PCMT1: variants seen among roughly 807,000 people sequenced by gnomAD.
PCMT1 encodes the protein protein-L-isoaspartate (D-aspartate) O-methyltransferase.
PCMT1 carries 9 observed loss-of-function variants against 29.2 expected under a neutral mutation model. The observed-to-expected ratio is 0.31, with a 90% CI of 0.19 to 0.54. The LOEUF is 0.54. Among genes scored for constraint, PCMT1 ranks in the 20% least tolerant of loss-of-function variants. The pLI, the probability that PCMT1 is intolerant of heterozygous loss-of-function variation, is 0.95. For synonymous variants in PCMT1, 98 were observed against 97.5 expected, an observed-to-expected ratio of 1.00 and a Z score of -0.03; for missense variants, 184 against 282.2, an observed-to-expected ratio of 0.65 and a Z score of 2.49.
At chr6:149,774,320 A>G (rs1583024232) in intron 3 of PCMT1, among the ~76,000 whole-genome samples, 1 of 150,656 alleles carries the variant, frequency 6.6e-6, no homozygotes, top group East Asian at 1.9e-4. Flanking sequence ...GCTTGCTGCA[A>G]CCTCCGCCTC....
At position 149,773,357 on chromosome 6, in the gene PCMT1, TTTTGTTTTGTTTTGTTTTG is replaced by T. The variant is rs1787417232; in HGVS notation, c.192+192_192+210del. Among the ~76,000 whole-genome samples the T allele has an allele frequency of 9.1e-5, 4 of 43,924 alleles. No individual in the cohort carries two copies. The South Asian group carries it at 2.3e-3, about 25-fold the overall frequency. The allele number at this position is 43,924 out of a possible 152,430, so 28.8% of individuals were successfully genotyped here. ...TACAGGGTCTGTAGAAGGAGTTTTG[TTTTGTTTTGTTTTGTTTTG>T]TTTTGTTTTGTTTTGTTTTTGAGAT... On this transcript the variant is annotated intron_variant, in intron 3 of 7. Coordinates refer to ENST00000464889, the MANE Select transcript of PCMT1 (RefSeq NM_001360452.2).
At chr6:149,793,873 A>G (rs759449384) in intron 5 of PCMT1, among the ~76,000 whole-genome samples, 31 of 152,102 alleles carry the variant, frequency 2.0e-4, no homozygotes, top group Non-Finnish European at 4.3e-4. Context: ...GTATTTTCCT[A>G]TTAACCTCTG....
chr6:149,763,097 GATAT>G (rs1290681880), intron 1 of PCMT1, among the ~76,000 whole-genome samples: 1 of 63,202 alleles, frequency 1.6e-5, no homozygotes, highest in Non-Finnish European at 2.3e-5. Context: ...TGATATATAT[GATAT>G]ATATATCTAT....
intron 3 of PCMT1, among the ~76,000 whole-genome samples, chr6:149,783,010 T>G (rs1320031106): frequency 6.6e-6 from 1 of 152,076 alleles, no homozygotes; most frequent in African/African-American, 2.4e-5. Context: ...AAAATAAAGA[T>G]CACTATTTTG....
At chr6:149,772,587 C>T (rs779189972) in intron 2 of PCMT1, 17 of 455,704 alleles carry the variant, frequency 3.7e-5, no homozygotes, top group South Asian at 9.3e-5. Context: ...TTTTAGCTGC[C>T]GTACTTTAGA....
chr6:149,759,603 T>C (rs1583005507), intron 1 of PCMT1, among the ~76,000 whole-genome samples: 1 of 152,102 alleles, frequency 6.6e-6, no homozygotes, highest in East Asian at 1.9e-4. Context: ...CAAGTGATTC[T>C]CCTGCTTCAG....
intron 1 of PCMT1, among the ~76,000 whole-genome samples, chr6:149,756,512 C>CTTTTTTTTTT (rs61038108): frequency 8.0e-5 from 6 of 74,724 alleles, no homozygotes; most frequent in Admixed American, 1.5e-4. Flanking sequence ...CCATGACTGG[C>CTTTTTTTTTT]TTTTTTTTTT....
chr6:149,751,359 C>G (rs9479810), intron 1 of PCMT1, among the ~76,000 whole-genome samples: 2 of 151,776 alleles, frequency 1.3e-5, no homozygotes, highest in Non-Finnish European at 2.9e-5. Context: ...AAGAATTTAA[C>G]AGTCATCCCT....
chr6:149,750,099 C>G, intron 1 of PCMT1, 143 bp downstream of exon 1: 1 of 1,210,488 alleles, frequency 8.3e-7, no homozygotes, highest in South Asian at 1.6e-5. Flanking sequence ...TAGTCCCGAA[C>G]GGCGTGCGCT....
chr6:149,754,632 G>A (rs1314529860), intron 1 of PCMT1, among the ~76,000 whole-genome samples: 1 of 152,170 alleles, frequency 6.6e-6, no homozygotes, highest in Non-Finnish European at 1.5e-5. Context: ...GTCAACTGAG[G>A]TCTGAAAATA....
rs1247833040 is a variant in PCMT1, at chr6:149,762,975, GATAT to G, written c.56-8180_56-8177del. Among the ~76,000 whole-genome samples the G allele has an allele frequency of 7.2e-5, 4 of 55,430 alleles. 1 individual carries two copies. The Admixed American group carries it at 9.5e-4, about 13-fold the overall frequency. The allele number at this position is 55,430 out of a possible 152,430, so 36.4% of individuals were successfully genotyped here. A position where few individuals can be genotyped will look rare whatever the true frequency, so the allele number is the denominator to read the frequency against. ...TGATATGTATATCTATGATATATAT[GATAT>G]ATATATCTATGATATATATGATATA... On this transcript the variant is annotated intron_variant, in intron 1 of 7. Coordinates refer to ENST00000464889, the MANE Select transcript of PCMT1 (RefSeq NM_001360452.2).
At position 149,749,769 on chromosome 6, in the gene PCMT1, T is replaced by A. The variant is rs1264698134; in HGVS notation, c.-133T>A. 14 of 1,548,488 alleles carry A rather than the reference T, an allele frequency of 9.0e-6. No homozygotes were observed. The highest frequency in any genetic ancestry group is 8.2e-5 in the African/African-American group (6 of 73,076). On this transcript the variant is annotated 5_prime_UTR_variant, in exon 1 of 8. Coordinates refer to ENST00000464889, the MANE Select transcript of PCMT1 (RefSeq NM_001360452.2). ...GTGGCGGCAGCGGCGGCGACGGCAG[T>A]AACAGCGGCAGCTACAGCGGGGACG...
chr6:149,753,237 T>C (rs574559514), intron 1 of PCMT1, among the ~76,000 whole-genome samples: 1 of 152,316 alleles, frequency 6.6e-6, no homozygotes, highest in African/African-American at 2.4e-5. Context: ...TTAAAGGCTT[T>C]TAATTGAAAT....
intron 3 of PCMT1, among the ~76,000 whole-genome samples, chr6:149,788,238 GACATTCTCTTACA>G (rs1263770967): frequency 5.9e-5 from 9 of 152,132 alleles, no homozygotes; most frequent in Non-Finnish European, 1.5e-5. Flanking sequence ...TAAAAATAAG[GACATTCTCTTACA>G]TACCCATAGT....
chr6:149,762,884 G>A (rs1292000794), intron 1 of PCMT1, among the ~76,000 whole-genome samples: 1 of 51,212 alleles, frequency 2.0e-5, no homozygotes, highest in Non-Finnish European at 2.7e-5. Context: ...TGATATATAT[G>A]TTATATATAT....
intron 1 of PCMT1, among the ~76,000 whole-genome samples, chr6:149,758,299 C>T (rs963901749): frequency 6.6e-6 from 1 of 150,486 alleles, no homozygotes; most frequent in Admixed American, 6.7e-5. Context: ...CAACCTCCGC[C>T]TCCCCGGTTC....
intron 6 of PCMT1, among the ~76,000 whole-genome samples, chr6:149,799,822 G>A (rs905524788): frequency 2.0e-5 from 3 of 152,150 alleles, no homozygotes; most frequent in Non-Finnish European, 4.4e-5. Flanking sequence ...AGGAGGAAAG[G>A]AAACAATGAT....
chr6:149,750,067 C>T (rs1786239560), intron 1 of PCMT1, 111 bp downstream of exon 1: 3 of 1,412,334 alleles, frequency 2.1e-6, no homozygotes, highest in Non-Finnish European at 2.8e-6. Context: ...TGTTGGAGGG[C>T]TTCGGCGCAG....
chr6:149,787,981 G>A (rs945394129), intron 3 of PCMT1, among the ~76,000 whole-genome samples: 8 of 151,914 alleles, frequency 5.3e-5, no homozygotes, highest in African/African-American at 1.2e-4. Context: ...GCAGTGGCAC[G>A]TTCTCAGCTC....
Sources: gnomAD v4.1 joint callset for allele counts (sites outside exome capture counted in the v4.1 genomes callset) on GRCh38, gnomAD v4.1.1 for gene constraint, MANE v1.5 for transcripts, NCBI Gene and HGNC (gene_info 2026-07-23, HGNC 2026-07-21) for gene names.